The following GNL3L variants were observed in gnomAD, a reference collection of about 807,000 sequenced individuals.
The protein encoded by GNL3L is G protein nucleolar 3 like.
GNL3L carries 4 observed loss-of-function variants against 42.9 expected under a neutral mutation model. The observed-to-expected ratio is 0.09, with a 90% CI of 0.05 to 0.21. GNL3L has a LOEUF of 0.21. Ranked by LOEUF, GNL3L falls within the 10% of genes least tolerant of loss-of-function variation. The pLI is 1.00. For missense variants in GNL3L, 412 were observed against 481.7 expected, an observed-to-expected ratio of 0.86 and a Z score of 1.36; for synonymous variants, 159 against 176.3, an observed-to-expected ratio of 0.90 and a Z score of 0.78.
intron 2 of GNL3L, among the ~76,000 whole-genome samples, chrX:54,535,974 C>G (rs1924410444): frequency 9.2e-6 from 1 of 108,259 alleles, no homozygotes; most frequent in African/African-American, 3.4e-5. Context: ...GTTGCCCAGG[C>G]TGGAGTGCAG....
intron 16 of GNL3L, among the ~76,000 whole-genome samples, chrX:54,590,817 T>TATTCATTC (rs770645508): frequency 4.5e-5 from 5 of 110,352 alleles, no homozygotes; most frequent in African/African-American, 1.3e-4. Context: ...TTTATTTATT[T>TATTCATTC]ATTCATTCAT....
At position 54,588,730 on chromosome X, in the gene GNL3L, CAGG is replaced by C. The variant is rs1196012868; in HGVS notation, c.*45+28086_*45+28088del. Among the ~76,000 whole-genome samples, 10 of 111,490 alleles carry C rather than the reference CAGG, an allele frequency of 9.0e-5. No homozygotes were observed. The Admixed American group carries it at 9.5e-4, about 11-fold the overall frequency. ...ATCCTAGCTACTTAGGAGGCTGAGGCAGGAGAATCATTTGAACCCGGAAGGTGG... is the reference window on the plus strand; with the variant it reads ...ATCCTAGCTACTTAGGAGGCTGAGGCAGAATCATTTGAACCCGGAAGGTGG... On this transcript the variant is annotated intron_variant, in intron 16 of 16. Coordinates refer to the GNL3L transcript ENST00000674498.
At chrX:54,582,197 C>G (rs895644473) in intron 16 of GNL3L, among the ~76,000 whole-genome samples, 2 of 110,988 alleles carry the variant, frequency 1.8e-5, no homozygotes, top group Non-Finnish European at 3.8e-5. Context: ...AGCTGATTGT[C>G]AAGAGCTGAT....
At chrX:54,546,332 T>G (rs1474197312) in intron 8 of GNL3L, among the ~76,000 whole-genome samples, 1 of 112,104 alleles carries the variant, frequency 8.9e-6, no homozygotes, top group African/African-American at 3.2e-5. Flanking sequence ...AGTTTCCAGT[T>G]TTTTATCGTT....
intron 2 of GNL3L, among the ~76,000 whole-genome samples, chrX:54,534,583 A>C (rs956373569): frequency 7.2e-5 from 8 of 111,703 alleles, no homozygotes; most frequent in Non-Finnish European, 1.5e-4. Context: ...TGGTGATTTT[A>C]GGCCTAGATG....
the GNL3L span, among the ~76,000 whole-genome samples, chrX:54,644,302 G>A: frequency 7.6e-4 from 85 of 111,974 alleles, no homozygotes; most frequent in East Asian, 6.1e-3. Context: ...TTTGAGAAAA[G>A]CCATTTTAAC....
intron 16 of GNL3L, among the ~76,000 whole-genome samples, chrX:54,609,323 CCTTTTGCCTT>C (rs1926136330): frequency 8.9e-6 from 1 of 112,294 alleles, no homozygotes; most frequent in Non-Finnish European, 1.9e-5. Flanking sequence ...GCTGACTGTT[CCTTTTGCCTT>C]GCAAAGCTCT....
intron 16 of GNL3L, among the ~76,000 whole-genome samples, chrX:54,605,047 G>A (rs1022346692): frequency 4.5e-5 from 5 of 111,203 alleles, no homozygotes; most frequent in Non-Finnish European, 7.5e-5. Flanking sequence ...AGAGGGGACA[G>A]AGGAGCCCAG....
chrX:54,592,169 G>C (rs1925879576), intron 16 of GNL3L, among the ~76,000 whole-genome samples: 1 of 111,860 alleles, frequency 8.9e-6, no homozygotes, highest in African/African-American at 3.2e-5. Context: ...TTCGAAACCT[G>C]CTACTTTTCT....
intron 2 of GNL3L, among the ~76,000 whole-genome samples, chrX:54,532,958 C>T (rs1473099224): frequency 8.9e-6 from 1 of 111,958 alleles, no homozygotes; most frequent in Non-Finnish European, 1.9e-5. Context: ...TGCGCCCAGC[C>T]TTCACAGCAA....
At chrX:54,552,549 T>G in intron 13 of GNL3L, 121 bp downstream of exon 13, 3 of 602,355 alleles carry the variant, frequency 5.0e-6, no homozygotes, top group Non-Finnish European at 5.2e-6. Context: ...GGCAAGTTGC[T>G]TAAGCAGCTT....
rs750540174 is a variant in GNL3L at position 54,551,938 on chromosome X, A to C, written c.1145A>C (p.Glu382Ala). The C allele has an allele frequency of 6.6e-6, 8 of 1,210,732 alleles. No individual in the cohort carries two copies. Among genetic ancestry groups the C allele is most frequent in the Non-Finnish European group, 8.9e-6 (8 of 895,285 alleles). The part of the protein sequence containing the change: ...KKKKGGLYSQ[E>A]QAAKAVLADW... ...AAGAAGGGAGGCTTATATAGTCAGGAACAGGCGGCCAAAGCTGTCCTAGCT... is the reference window on the plus strand; with the variant it reads ...AAGAAGGGAGGCTTATATAGTCAGGCACAGGCGGCCAAAGCTGTCCTAGCT... Residue 382 changes from glutamate to alanine, a missense_variant, in exon 12 of 16, where the codon GAA becomes GCA. Physicochemically the swap from Glu to Ala is moderately radical, Grantham distance 107 (BLOSUM62 -1). Coordinates refer to ENST00000360845, the MANE Select transcript of GNL3L (RefSeq NM_001184819.2).
At chrX:54,574,991 G>A (rs1925614293) in intron 16 of GNL3L, among the ~76,000 whole-genome samples, 1 of 111,896 alleles carries the variant, frequency 8.9e-6, no homozygotes, top group Admixed American at 9.5e-5. Context: ...TTGATAATTT[G>A]TGTTGTCTGT....
chrX:54,546,192 T>C (rs1048643368), intron 8 of GNL3L, among the ~76,000 whole-genome samples: 5 of 112,547 alleles, frequency 4.4e-5, no homozygotes, highest in Non-Finnish European at 9.4e-5. Context: ...GCTTTGGATA[T>C]ACATAGAAGT....
intron 2 of GNL3L, among the ~76,000 whole-genome samples, chrX:54,533,473 T>G (rs1423905208): frequency 8.9e-6 from 1 of 111,773 alleles, no homozygotes; most frequent in Non-Finnish European, 1.9e-5. Context: ...GTGCTCTGTT[T>G]TCTGTGTGAA....
chrX:54,535,142 G>T (rs760873673), intron 2 of GNL3L, among the ~76,000 whole-genome samples: 61 of 111,795 alleles, frequency 5.5e-4, no homozygotes, highest in Non-Finnish European at 8.5e-4. Context: ...TTTTTGAGAT[G>T]CAGTCTCGCC....
the GNL3L span, among the ~76,000 whole-genome samples, chrX:54,636,585 C>T: frequency 9.1e-6 from 1 of 110,259 alleles, no homozygotes; most frequent in East Asian, 2.9e-4. Context: ...TCCATGTGTA[C>T]TCAATGTTTA....
chrX:54,623,741 C>G (rs752580176), downstream of GNL3L, among the ~76,000 whole-genome samples: 1 of 110,621 alleles, frequency 9.0e-6, no homozygotes, highest in African/African-American at 3.3e-5. Context: ...CAAATTTATT[C>G]TTGGTTATTT....
At chrX:54,641,194 C>T in the GNL3L span, among the ~76,000 whole-genome samples, 124 of 110,988 alleles carry the variant, frequency 1.1e-3, no homozygotes, top group African/African-American at 4.0e-3. Context: ...GCTCAGTTTG[C>T]CTTTTACCTT....
Sources: allele counts gnomAD v4.1 joint callset (sites outside exome capture counted in the v4.1 genomes callset), GRCh38; gene constraint gnomAD v4.1.1; transcripts MANE v1.5; gene names NCBI Gene and HGNC (gene_info 2026-07-23, HGNC 2026-07-21).